The following GRID2 variants were observed in gnomAD, a reference collection of about 807,000 sequenced individuals.
GRID2 encodes glutamate ionotropic receptor delta type subunit 2.
A neutral mutation model predicts 114.8 loss-of-function variants in GRID2; 33 were observed. The ratio of observed to expected loss-of-function variants is 0.29; its 90% CI spans 0.22 to 0.38. The LOEUF is 0.38. GRID2 is among the 10% of genes least tolerant of loss of function. The pLI is 1.00. For missense variants in GRID2, 1,184 were observed against 1,257.7 expected (o/e 0.94, Z 0.89); for synonymous variants, 505 against 449.9 (o/e 1.12, Z -1.55).
chr4:93,478,434 G>A (rs1460351863), intron 11 of GRID2, among the ~76,000 whole-genome samples: 3 of 151,728 alleles, frequency 2.0e-5, no homozygotes, highest in Non-Finnish European at 4.4e-5. Context: ...TATAAAGATC[G>A]TCTCCTTCTG....
At chr4:92,999,508 T>C (rs1349147657) in intron 2 of GRID2, among the ~76,000 whole-genome samples, 1 of 151,708 alleles carries the variant, frequency 6.6e-6, no homozygotes, top group African/African-American at 2.4e-5. Context: ...GGGAGTAATA[T>C]ATATTCTAAA....
chr4:93,366,636 A>T (rs1322337958), intron 8 of GRID2, among the ~76,000 whole-genome samples: 1 of 151,124 alleles, frequency 6.6e-6, no homozygotes. Flanking sequence ...CTATTCACAC[A>T]CTCCCTCCCC....
intron 2 of GRID2, among the ~76,000 whole-genome samples, chr4:92,824,574 A>C (rs1320222863): frequency 1.3e-5 from 2 of 151,582 alleles, no homozygotes; most frequent in Non-Finnish European, 2.9e-5. Flanking sequence ...GAAAGCCATT[A>C]ATTGCTCTTT....
chr4:93,244,068 T>C (rs959144785), intron 8 of GRID2, among the ~76,000 whole-genome samples: 1 of 152,040 alleles, frequency 6.6e-6, no homozygotes, highest in African/African-American at 2.4e-5. Context: ...TCAATATATG[T>C]TTTTCATTAG....
intron 13 of GRID2, among the ~76,000 whole-genome samples, chr4:93,526,321 C>G (rs1730894412): frequency 6.6e-6 from 1 of 152,194 alleles, no homozygotes. Flanking sequence ...TTCCTGAGGC[C>G]TCCTCAGCCA....
intron 6 of GRID2, 68 bp from the exon 7 acceptor site, chr4:93,224,546 A>T: frequency 2.0e-6 from 2 of 1,011,514 alleles, no homozygotes; most frequent in Non-Finnish European, 3.1e-6. Context: ...TGAGACAATT[A>T]TTTTTTTTCC....
chr4:92,552,471 T>G (rs1328712856), intron 1 of GRID2, among the ~76,000 whole-genome samples: 1 of 152,144 alleles, frequency 6.6e-6, no homozygotes, highest in Non-Finnish European at 1.5e-5. Context: ...AGAAAGCAGA[T>G]GTTGCACTGC....
At chr4:93,568,411 G>T (rs1363696075) in intron 13 of GRID2, among the ~76,000 whole-genome samples, 1 of 152,090 alleles carries the variant, frequency 6.6e-6, no homozygotes, top group Non-Finnish European at 1.5e-5. Flanking sequence ...AAGACTGGAG[G>T]TGCTATTGAT....
At chr4:92,880,722 T>C (rs1461501855) in intron 2 of GRID2, among the ~76,000 whole-genome samples, 2 of 152,128 alleles carry the variant, frequency 1.3e-5, no homozygotes, top group South Asian at 2.1e-4. Context: ...CAGAGATCTT[T>C]CTTCCTTTTT....
chr4:92,474,668 C>T (rs1373718286), intron 1 of GRID2, among the ~76,000 whole-genome samples: 1 of 152,004 alleles, frequency 6.6e-6, no homozygotes, highest in Non-Finnish European at 1.5e-5. Flanking sequence ...TCCATTTCCT[C>T]ACCAACAGTT....
At chr4:92,547,221 T>C (rs975090528) in intron 1 of GRID2, among the ~76,000 whole-genome samples, 7 of 152,192 alleles carry the variant, frequency 4.6e-5, no homozygotes, top group African/African-American at 1.7e-4. Context: ...ATAATACTTG[T>C]ATATAGACTA....
chr4:92,694,896 A>G (rs1470645997), intron 2 of GRID2, among the ~76,000 whole-genome samples: 1 of 152,224 alleles, frequency 6.6e-6, no homozygotes, highest in Non-Finnish European at 1.5e-5. Flanking sequence ...TTACCAAATA[A>G]TCAGACCTAA....
At chr4:93,788,149 T>C (rs953474946) in intron 1 of GRID2, among the ~76,000 whole-genome samples, 47 of 152,116 alleles carry the variant, frequency 3.1e-4, no homozygotes, top group African/African-American at 1.1e-3. Context: ...AAACCCCGTC[T>C]CTACTAAAAA....
intron 2 of GRID2, among the ~76,000 whole-genome samples, chr4:92,918,104 T>C (rs1314311721): frequency 9.2e-5 from 14 of 152,202 alleles, no homozygotes; most frequent in Non-Finnish European, 2.1e-4. Flanking sequence ...TTTTATTCTC[T>C]TTGAAGCAAT....
chr4:92,361,105 C>G (rs1728598144), intron 1 of GRID2, among the ~76,000 whole-genome samples: 1 of 151,920 alleles, frequency 6.6e-6, no homozygotes, highest in Non-Finnish European at 1.5e-5. Flanking sequence ...TTAACTCCAA[C>G]TAAAACTCCA....
At chr4:93,162,849 T>A (rs529145156) in intron 4 of GRID2, among the ~76,000 whole-genome samples, 68 of 151,952 alleles carry the variant, frequency 4.5e-4, no homozygotes, top group Non-Finnish European at 7.2e-4. Context: ...AGAGGCAATA[T>A]GAGACAGCTC....
At chr4:93,767,691 A>T (rs1733782231) in intron 14 of GRID2, among the ~76,000 whole-genome samples, 1 of 152,132 alleles carries the variant, frequency 6.6e-6, no homozygotes. Flanking sequence ...CTTCCAATGC[A>T]CAAAATCTTC....
intron 1 of GRID2, among the ~76,000 whole-genome samples, chr4:92,508,684 A>C (rs1400411604): frequency 1.3e-5 from 2 of 151,942 alleles, no homozygotes; most frequent in African/African-American, 4.8e-5. Flanking sequence ...AGATGGTGCG[A>C]GAGAGTTGGA....
At chr4:92,758,128 G>A (rs1737821782) in intron 2 of GRID2, among the ~76,000 whole-genome samples, 1 of 152,058 alleles carries the variant, frequency 6.6e-6, no homozygotes, top group Admixed American at 6.6e-5. Flanking sequence ...AGGTAGATTG[G>A]TAGATCTGGT....
Sources: allele counts gnomAD v4.1 joint callset (sites outside exome capture counted in the v4.1 genomes callset), GRCh38; gene constraint gnomAD v4.1.1; transcripts MANE v1.5; gene names NCBI Gene and HGNC (gene_info 2026-07-23, HGNC 2026-07-21).